Variants in PCDH10 observed in about 807,000 individuals in gnomAD.
The protein encoded by PCDH10 is protocadherin-10.
PCDH10 carries 15 observed loss-of-function variants against 74.4 expected under a neutral mutation model. That is an observed-to-expected ratio of 0.20 (90% CI 0.13 to 0.31). The LOEUF (loss-of-function observed/expected upper bound fraction) is 0.31, where lower values mean the gene tolerates loss of function less well. Among genes scored for constraint, PCDH10 ranks in the 10% least tolerant of loss-of-function variants. The probability of loss-of-function intolerance (pLI) is 1.00; values close to 1 mark genes in which losing one functional copy is unlikely to be tolerated. For synonymous variants in PCDH10, 619 were observed against 589.8 expected (o/e 1.05, Z -0.72); for missense variants, 1,260 against 1,390.2 (o/e 0.91, Z 1.49).
chr4:133,150,207 A>G lies in PCDH10; in HGVS notation c.67A>G (p.Thr23Ala). The change falls in exon 1 of 5, where the codon ACG (threonine) becomes GCG (alanine). Residue 23 changes from threonine (T) to alanine (A), a missense_variant. By Grantham distance (58) the Thr-to-Ala change is moderately conservative (BLOSUM62 0). Around this residue, in one of 11 missense-constraint regions of PCDH10, gnomAD observed 103 missense variants for 91.5 expected, o/e 1.13. Coordinates refer to ENST00000264360, the MANE Select transcript of PCDH10 (RefSeq NM_032961.3). ...VEGVFSQLHY[T>A]VQEEQEHGTF... is the part of the protein sequence containing the mutation. ...AGGAGTCTTTTCCCAGCTTCACTACACGGTACAGGAGGAGCAGGAACATGG... is the reference window on the plus strand; with the variant it reads ...AGGAGTCTTTTCCCAGCTTCACTACGCGGTACAGGAGGAGCAGGAACATGG... 2 of 1,611,384 alleles carry G rather than the reference A, an allele frequency of 1.2e-6. No individual in the cohort carries two copies. Among genetic ancestry groups the G allele is most frequent in the South Asian group, 1.1e-5 (1 of 90,624 alleles).
rs1727718665 is a variant in PCDH10, at chr4:133,193,246, C to T, written c.*3086C>T. 1 of 151,606 alleles carries T rather than the reference C, an allele frequency of 6.6e-6. No homozygotes were observed. The highest frequency in any genetic ancestry group is 2.1e-4 in the South Asian group (1 of 4,822). The allele number at this position is 151,606 out of a possible 1,614,324, so 9.4% of individuals were successfully genotyped here. A position where few individuals can be genotyped will look rare whatever the true frequency, so the allele number is the denominator to read the frequency against. ...TTTAAATATCACATCAGAATTACTT[C>T]ACAGATATAATAGCGTCAATGATAT... is the stretch of plus-strand genomic sequence containing the variant. On this transcript the variant is annotated 3_prime_UTR_variant, in exon 5 of 5. Coordinates refer to ENST00000264360, the MANE Select transcript of PCDH10 (RefSeq NM_032961.3).
At chr4:133,200,371 CT>C (rs888269378) in intron 2 of PCDH10, among the ~76,000 whole-genome samples, 4 of 149,670 alleles carry the variant, frequency 2.7e-5, no homozygotes, top group Admixed American at 1.3e-4. Context: ...CATTTTTTTT[CT>C]TTTTTTTTGT....
intron 2 of PCDH10, among the ~76,000 whole-genome samples, chr4:133,207,184 G>A (rs1287034529): frequency 6.6e-6 from 1 of 151,668 alleles, no homozygotes; most frequent in Non-Finnish European, 1.5e-5. Context: ...GATTAGAATA[G>A]CGATTATTTA....
At chr4:133,168,145 ATAT>A (rs1727124326) in intron 4 of PCDH10, among the ~76,000 whole-genome samples, 2 of 151,512 alleles carry the variant, frequency 1.3e-5, no homozygotes, top group Admixed American at 6.6e-5. Flanking sequence ...GATACATGAG[ATAT>A]TATAATATTT....
At position 133,190,156 on chromosome 4, in the gene PCDH10, G is replaced by C. The variant is rs1379999029; in HGVS notation, c.3119G>C (p.Cys1040Ser). ...TTTTTCACAGCACGGAAAAGGATAT[G>C]CTAGTCAATTCTACAGGACTTACCT... ...KPPYLTRKRI[C>S] is the part of the protein sequence containing the mutation. Residue 1040 changes from cysteine (C) to serine (S), a missense_variant, in exon 5 of 5, where the codon TGC (cysteine) becomes TCC (serine). Physicochemically the swap from Cys to Ser is moderately radical, Grantham distance 112. Transcript: ENST00000264360. 7.4e-6 allele frequency: 12 copies of C among 1,611,940 alleles called. No individual in the cohort carries two copies. Among genetic ancestry groups the C allele is most frequent in the African/African-American group, 2.7e-5 (2 of 74,810 alleles).
intron 4 of PCDH10, among the ~76,000 whole-genome samples, chr4:133,168,186 C>T (rs1056016227): frequency 1.3e-5 from 2 of 150,914 alleles, no homozygotes; most frequent in South Asian, 2.1e-4. Flanking sequence ...GTTGTATAGT[C>T]GTCTATCTCA....
At chr4:133,205,269 CTG>C (rs1172067136) in intron 2 of PCDH10, among the ~76,000 whole-genome samples, 2 of 152,142 alleles carry the variant, frequency 1.3e-5, no homozygotes, top group African/African-American at 4.8e-5. Context: ...GACCAAAACT[CTG>C]TGAACACTTG....
chr4:133,193,783 C>G lies in PCDH10; in HGVS notation c.*3623C>G, dbSNP rs1727732668. On this transcript the variant is annotated 3_prime_UTR_variant, in exon 5 of 5. Coordinates refer to ENST00000264360, the MANE Select transcript of PCDH10 (RefSeq NM_032961.3). ...TATACTTGATGATTTTTCTGAAAAT[C>G]TTATATTTTTCATATTACAAATTCT... 6.6e-6 allele frequency: 1 copy of G among 151,512 alleles called. No homozygotes were observed. The highest frequency in any genetic ancestry group is 1.5e-5 in the Non-Finnish European group (1 of 67,668). The allele number at this position is 151,512 out of a possible 1,614,324, so 9.4% of individuals were successfully genotyped here.
intron 4 of PCDH10, among the ~76,000 whole-genome samples, chr4:133,174,065 C>A (rs1335159701): frequency 6.6e-6 from 1 of 151,858 alleles, no homozygotes; most frequent in African/African-American, 2.4e-5. Flanking sequence ...ACTGGATTGG[C>A]TTGAATGAGA....
intron 1 of PCDH10, 76 bp from the exon 2 acceptor site, chr4:133,154,231 T>C: frequency 1.1e-6 from 1 of 876,076 alleles, no homozygotes; most frequent in South Asian, 1.5e-5. Flanking sequence ...CTAGATATAG[T>C]TCCTAACCTC....
chr4:133,174,505 A>G (rs1727254872), intron 4 of PCDH10, among the ~76,000 whole-genome samples: 1 of 151,904 alleles, frequency 6.6e-6, no homozygotes, highest in Non-Finnish European at 1.5e-5. Context: ...TAAATGAAAT[A>G]AGACAAAATA....
At chr4:133,171,426 A>G (rs929575288) in intron 4 of PCDH10, among the ~76,000 whole-genome samples, 1 of 152,152 alleles carries the variant, frequency 6.6e-6, no homozygotes, top group Non-Finnish European at 1.5e-5. Context: ...TATTAAATAC[A>G]TATTTTCTGG....
chr4:133,188,665 GTTTTTTTTT>G (rs1167321577), intron 4 of PCDH10, among the ~76,000 whole-genome samples: 3 of 74,682 alleles, frequency 4.0e-5, no homozygotes, highest in African/African-American at 1.1e-4. Context: ...ACTGCTATGG[GTTTTTTTTT>G]TTTTTTTTTT....
intron 4 of PCDH10, among the ~76,000 whole-genome samples, chr4:133,185,601 C>T (rs1039624232): frequency 5.9e-5 from 9 of 151,990 alleles, no homozygotes; most frequent in African/African-American, 1.7e-4. Context: ...ACTTCTTGTA[C>T]GCTAGATGCA....
chr4:133,162,331 T>C (rs9307688), intron 3 of PCDH10, among the ~76,000 whole-genome samples: 32,633 of 152,116 alleles, frequency 0.21, 3,732 homozygotes, highest in African/African-American at 0.25. Context: ...CAGAGTGTCA[T>C]TGAGGAATAC....
chr4:133,183,839 G>A (rs533276071), intron 4 of PCDH10, among the ~76,000 whole-genome samples: 11 of 152,178 alleles, frequency 7.2e-5, no homozygotes, highest in Non-Finnish European at 1.3e-4. Flanking sequence ...TTGCTAGAAC[G>A]AGAATGTCTA....
Position 133,150,253 on chromosome 4 carries a change from C to A in PCDH10, c.113C>A (p.Ala38Asp). 6.2e-7 allele frequency: 1 copy of A among 1,613,978 alleles called. No individual in the cohort carries two copies. The highest frequency in any genetic ancestry group is 1.1e-5 in the South Asian group (1 of 91,064). ...QEHGTFVGNI[A>D]EDLGLDITKL... is the part of the protein sequence containing the mutation. The stretch of plus-strand genomic sequence containing the variant: ...CATGGCACTTTCGTGGGGAATATCG[C>A]TGAAGATCTGGGTCTGGACATTACA... Residue 38 changes from alanine to aspartate, a missense_variant, in exon 1 of 5, where the codon GCT becomes GAT. Ala to Asp is a moderately radical substitution (Grantham distance 126). Around this residue, in one of 11 missense-constraint regions of PCDH10, gnomAD observed 103 missense variants for 91.5 expected, o/e 1.13. Transcript: ENST00000264360.
rs1412249473 is a variant in PCDH10 at position 133,151,212 on chromosome 4, A to G, written c.1072A>G (p.Ile358Val). 1 of 1,613,736 alleles carries G rather than the reference A, an allele frequency of 6.2e-7. No homozygotes were observed. The highest frequency in any genetic ancestry group is 1.1e-5 in the South Asian group (1 of 91,058). ...VLDANDNAPE[I>V]SFSTVKEAVS... ...GGATGCTAATGACAACGCGCCAGAG[A>G]TCAGCTTCAGCACCGTGAAGGAAGC... The change falls in exon 1 of 5, where the codon ATC (isoleucine) becomes GTC (valine). Residue 358 changes from isoleucine (I) to valine (V), a missense_variant. This residue lies in a region of PCDH10 where 13 missense variants were observed against 44.5 expected (regional missense o/e 0.29). Transcript: ENST00000264360.
chr4:133,194,555 A>C lies in PCDH10; in HGVS notation c.*4395A>C, dbSNP rs1427063660. On this transcript the variant is annotated 3_prime_UTR_variant, in exon 5 of 5. Coordinates refer to ENST00000264360, the MANE Select transcript of PCDH10 (RefSeq NM_032961.3). Reference sequence around the variant, plus strand: ...TAAGTAAAATGAGTGTAAATGTAATAAATTATTTTATACTGCTGTATACAT... The same window carrying C: ...TAAGTAAAATGAGTGTAAATGTAATCAATTATTTTATACTGCTGTATACAT... 1.3e-5 allele frequency: 2 copies of C among 152,060 alleles called. No individual in the cohort carries two copies. Among genetic ancestry groups the C allele is most frequent in the East Asian group, 3.9e-4 (2 of 5,186 alleles). The allele number at this position is 152,060 out of a possible 1,614,324, so 9.4% of individuals were successfully genotyped here. A position where few individuals can be genotyped will look rare whatever the true frequency, so the allele number is the denominator to read the frequency against.
Sources: gnomAD v4.1 joint callset for allele counts (sites outside exome capture counted in the v4.1 genomes callset) on GRCh38, gnomAD v4.1.1 for gene constraint, gnomAD v4.1.1 regional missense constraint, MANE v1.5 for transcripts, NCBI Gene and HGNC (gene_info 2026-07-23, HGNC 2026-07-21) for gene names.